IMPDH1: variants seen among roughly 807,000 people sequenced by gnomAD.
IMPDH1 encodes the protein inosine monophosphate dehydrogenase 1, also known as inosine-5'-monophosphate dehydrogenase 1.
Under a neutral mutation model 73.5 loss-of-function variants are expected in IMPDH1, and 41 were observed. The ratio of observed to expected loss-of-function variants is 0.56; its 90% CI spans 0.43 to 0.72. The LOEUF (loss-of-function observed/expected upper bound fraction) is 0.72, where lower values mean the gene tolerates loss of function less well. Among genes scored for constraint, IMPDH1 ranks in the 30% least tolerant of loss-of-function variants. The pLI is 0.00. For synonymous variants in IMPDH1, 318 were observed against 334.3 expected (o/e 0.95, Z 0.53); for missense variants, 645 against 824.8 (o/e 0.78, Z 2.67).
rs1584760150 is a variant in IMPDH1 at position 128,409,219 on chromosome 7, A to C, written c.254+70T>G. On this transcript the variant is annotated intron_variant, in intron 3 of 16. Transcript: ENST00000338791. ...CATGGGGGCCTGCGTCTTCGGAGAG[A>C]CCTTGAGGTGAGCTGCACTGGCAGC... is the stretch of plus-strand genomic sequence containing the variant. 2.2e-6 allele frequency: 3 copies of C among 1,382,644 alleles called. No homozygotes were observed. The East Asian group carries it at 7.2e-5, about 33-fold the overall frequency. The allele number at this position is 1,382,644 out of a possible 1,614,324, so 85.6% of individuals were successfully genotyped here.
chr7:128,394,049 C>A lies in IMPDH1; in HGVS notation c.1778+229G>T, dbSNP rs1797726121. 6.6e-6 allele frequency among the ~76,000 whole-genome samples: 1 copy of A among 152,152 alleles called. No individual in the cohort carries two copies. The highest frequency in any genetic ancestry group is 1.5e-5 in the Non-Finnish European group (1 of 68,016). On this transcript the variant is annotated intron_variant, in intron 16 of 16. Coordinates refer to ENST00000338791, the MANE Select transcript of IMPDH1 (RefSeq NM_000883.4). The surrounding 1 kb of genome is among the most constrained non-coding windows in gnomAD (Gnocchi z 5.5). ...GACTGGCCACACCTCCTGTGCCCTG[C>A]TCGGGAGAGGCCCGAGGGGAGGGGA...
At chr7:128,405,679 C>G in intron 4 of IMPDH1, 88 bp downstream of exon 4, 1 of 1,467,764 alleles carries the variant, frequency 6.8e-7, no homozygotes, top group Non-Finnish European at 9.0e-7. Flanking sequence ...GGGCAGGGAA[C>G]GCCGGGGGAG....
At chr7:128,393,834 A>G (rs1363932270) in intron 16 of IMPDH1, 2 of 293,328 alleles carry the variant, frequency 6.8e-6, no homozygotes, top group Non-Finnish European at 1.3e-5. Flanking sequence ...GCCTGCAACT[A>G]CTGCTGCCAA....
rs886283109 is a variant in IMPDH1 at position 128,396,197 on chromosome 7, G to T, written c.1261+403C>A. 1.3e-5 allele frequency among the ~76,000 whole-genome samples: 2 copies of T among 152,208 alleles called. No homozygotes were observed. The highest frequency in any genetic ancestry group is 4.8e-5 in the African/African-American group (2 of 41,456). On this transcript the variant is annotated intron_variant, in intron 12 of 16. Coordinates refer to ENST00000338791, the MANE Select transcript of IMPDH1 (RefSeq NM_000883.4). This position sits in a 1 kb window ranked among gnomAD's most constrained non-coding sequence, Gnocchi z 4.0. ...CTGCAAAAGGGCTTTGTAATTGGGT[G>T]GAACTCCCCACGCCCAACCACATGG...
chr7:128,407,887 A>T (rs1320574225), intron 3 of IMPDH1, among the ~76,000 whole-genome samples: 2 of 152,056 alleles, frequency 1.3e-5, no homozygotes, highest in Non-Finnish European at 2.9e-5. Flanking sequence ...CCCAGTGATT[A>T]CAGACTTCAT....
Position 128,394,618 on chromosome 7 carries a change from A to G in IMPDH1, c.1551-19T>C. The stretch of plus-strand genomic sequence containing the variant: ...CCCCTCGCTGCGTGGAGGGTGGAAG[A>G]CTGAGCCCAGCAGCTTGAAGCTCAG... On this transcript the variant is annotated intron_variant, in intron 14 of 16. Transcript: ENST00000338791. The surrounding 1 kb of genome is among the most constrained non-coding windows in gnomAD (Gnocchi z 5.5). The G allele has an allele frequency of 6.2e-7, 1 of 1,612,724 alleles. No homozygotes were observed. The highest frequency in any genetic ancestry group is 8.5e-7 in the Non-Finnish European group (1 of 1,179,926).
In IMPDH1 at chr7:128,396,478, GGGTCACCCCGGAGCCTACCAT is replaced by G; in HGVS notation, c.1261+101_1261+121del. 1 of 828,048 alleles carries G rather than the reference GGGTCACCCCGGAGCCTACCAT, an allele frequency of 1.2e-6. No homozygotes were observed. The highest frequency in any genetic ancestry group is 1.7e-5 in the African/African-American group (1 of 59,492). 51.3% of individuals were successfully genotyped at this position (828,048 alleles called of 1,614,324 possible). On this transcript the variant is annotated intron_variant, in intron 12 of 16. Coordinates refer to ENST00000338791, the MANE Select transcript of IMPDH1 (RefSeq NM_000883.4). The surrounding 1 kb of genome is among the most constrained non-coding windows in gnomAD (Gnocchi z 4.0). ...GCCCGATGGGGTGGGGCCCATGCCT[GGGTCACCCCGGAGCCTACCAT>G]GGCAGAACAGGGCCTGGCAGAGAGA...
At chr7:128,397,705 T>G (rs1398640745) in intron 10 of IMPDH1, among the ~76,000 whole-genome samples, 1 of 152,094 alleles carries the variant, frequency 6.6e-6, no homozygotes, top group East Asian at 1.9e-4. Flanking sequence ...GGGAGAGTCT[T>G]GATTTGCAAT....
In IMPDH1 at chr7:128,396,707, G is replaced by A. The variant is rs949482395; in HGVS notation, c.1166-12C>T. 4 of 1,547,672 alleles carry A rather than the reference G, an allele frequency of 2.6e-6. No homozygotes were observed. Among genetic ancestry groups the A allele is most frequent in the African/African-American group, 2.7e-5 (2 of 73,152 alleles). ...GGCTGCTGTCACCACTGGGGGTGGGGATGGGGCAGAGGAACAATGTGAGGA... is the reference window on the plus strand; with the variant it reads ...GGCTGCTGTCACCACTGGGGGTGGGAATGGGGCAGAGGAACAATGTGAGGA... On this transcript the variant is annotated splice_polypyrimidine_tract_variant and intron_variant, in intron 11 of 16. Coordinates refer to ENST00000338791, the MANE Select transcript of IMPDH1 (RefSeq NM_000883.4). This position sits in a 1 kb window ranked among gnomAD's most constrained non-coding sequence, Gnocchi z 4.0.
Position 128,392,780 on chromosome 7 carries a change from G to A in IMPDH1, c.*227C>T, listed in dbSNP as rs72624975. On this transcript the variant is annotated 3_prime_UTR_variant, in exon 17 of 17. Coordinates refer to ENST00000338791, the MANE Select transcript of IMPDH1 (RefSeq NM_000883.4). ...CCTGAGAGCCTGGCTGGCTGGGCTC[G>A]GAGGGGGGCTCCCAGGGCAGCCTGG... 24 of 554,726 alleles carry A rather than the reference G, an allele frequency of 4.3e-5. No homozygotes were observed. The highest frequency in any genetic ancestry group is 4.8e-4 in the Middle Eastern group (1 of 2,086). The allele number at this position is 554,726 out of a possible 1,614,324, so 34.4% of individuals were successfully genotyped here. A position where few individuals can be genotyped will look rare whatever the true frequency, so the allele number is the denominator to read the frequency against.
At chr7:128,406,302 C>CG (rs1187442639) in intron 3 of IMPDH1, among the ~76,000 whole-genome samples, 1 of 3,802 alleles carries the variant, frequency 2.6e-4, no homozygotes, top group African/African-American at 1.1e-3. Context: ...CACACCCCCA[C>CG]ACCCCCCACC....
In IMPDH1 at chr7:128,402,713, T is replaced by G. The variant is rs549099675; in HGVS notation, c.402+993A>C. On this transcript the variant is annotated intron_variant, in intron 5 of 16. Coordinates refer to ENST00000338791, the MANE Select transcript of IMPDH1 (RefSeq NM_000883.4). ...TAATAATAGCAACAGAAAAGAAATG[T>G]TTTTTTTTTAATGTATATGAATTCA... Among the ~76,000 whole-genome samples, 68 of 148,950 alleles carry G rather than the reference T, an allele frequency of 4.6e-4. 2 individuals are homozygous for G. In the South Asian group the frequency reaches 0.013, roughly 29 times the overall value.
chr7:128,400,267 C>A (rs1013432000), intron 8 of IMPDH1, 66 bp downstream of exon 8: 105 of 1,604,090 alleles, frequency 6.5e-5, no homozygotes, highest in Non-Finnish European at 8.8e-5. Context: ...TCACAGGCAC[C>A]AGTCTGAGGC....
Position 128,394,151 on chromosome 7 carries a change from C to A in IMPDH1, c.1778+127G>T. 1.3e-6 allele frequency: 1 copy of A among 771,116 alleles called. No homozygotes were observed. The highest frequency in any genetic ancestry group is 1.4e-5 in the South Asian group (1 of 70,534). The allele number at this position is 771,116 out of a possible 1,614,324, so 47.8% of individuals were successfully genotyped here. On this transcript the variant is annotated intron_variant, in intron 16 of 16. Transcript: ENST00000338791. This position sits in a 1 kb window ranked among gnomAD's most constrained non-coding sequence, Gnocchi z 5.5. ...GAAGAGAGGGTGAGGGGCCATCCTG[C>A]AGCAGCATCTGTCCCTGCTGCAGGT... is the stretch of plus-strand genomic sequence containing the variant.
rs144929093 is a variant in IMPDH1 at position 128,400,107 on chromosome 7, G to A, written c.862C>T (p.Arg288Cys). 2.2e-5 allele frequency: 35 copies of A among 1,612,296 alleles called. No individual in the cohort carries two copies. The highest frequency in any genetic ancestry group is 2.7e-5 in the Non-Finnish European group (32 of 1,179,286). ...AGCTCCCTGGTACCTTTCTTGCTAC[G>A]CTGCAGGATCTCATTTGCCTCTTTC... ...TLKEANEILQRSKKGKLPIVN... is the reference protein window; with the variant it reads ...TLKEANEILQCSKKGKLPIVN... Residue 288 changes from arginine to cysteine, a missense_variant, in exon 9 of 17, where the codon CGT becomes TGT. Arg to Cys is a radical substitution (Grantham distance 180, BLOSUM62 -3). This residue lies in a region of IMPDH1 where 459 missense variants were observed against 638.2 expected (regional missense o/e 0.72). Coordinates refer to ENST00000338791, the MANE Select transcript of IMPDH1 (RefSeq NM_000883.4).
chr7:128,405,703 G>A, intron 4 of IMPDH1, 64 bp downstream of exon 4: 3 of 1,502,090 alleles, frequency 2.0e-6, no homozygotes, highest in Non-Finnish European at 2.7e-6. Context: ...CGCACGTGCA[G>A]GGCCGGCCCG....
At chr7:128,406,068 C>T (rs559013906) in intron 3 of IMPDH1, 13 of 164,636 alleles carry the variant, frequency 7.9e-5, no homozygotes, top group Middle Eastern at 2.9e-3. Context: ...CCGCCCTTCT[C>T]GCCCCTCCCG....
rs191702901 is a variant in IMPDH1, at chr7:128,397,404, G to A, written c.1075-382C>T. The stretch of plus-strand genomic sequence containing the variant: ...TTTCTTCATCTGAAAATGGAATGGC[G>A]ACTGTTCCTCAATGGACTGATATAC... On this transcript the variant is annotated intron_variant, in intron 10 of 16. Coordinates refer to ENST00000338791, the MANE Select transcript of IMPDH1 (RefSeq NM_000883.4). 5.3e-5 allele frequency among the ~76,000 whole-genome samples: 8 copies of A among 152,274 alleles called. No individual in the cohort carries two copies. The East Asian group carries it at 9.6e-4, about 18-fold the overall frequency.
At position 128,396,728 on chromosome 7, in the gene IMPDH1, G is replaced by T. The variant is rs1201360929; in HGVS notation, c.1166-33C>A. On this transcript the variant is annotated intron_variant, in intron 11 of 16. Coordinates refer to ENST00000338791, the MANE Select transcript of IMPDH1 (RefSeq NM_000883.4). This position sits in a 1 kb window ranked among gnomAD's most constrained non-coding sequence, Gnocchi z 4.0. ...TGGGGATGGGGCAGAGGAACAATGT[G>T]AGGATGGGATGCCCCTGCCTGCCCA... 1.3e-6 allele frequency: 2 copies of T among 1,518,234 alleles called. No homozygotes were observed. The highest frequency in any genetic ancestry group is 1.8e-6 in the Non-Finnish European group (2 of 1,117,180). 94.0% of individuals were successfully genotyped at this position (1,518,234 alleles called of 1,614,324 possible).
Sources: gnomAD v4.1 joint callset for allele counts (sites outside exome capture counted in the v4.1 genomes callset) on GRCh38, gnomAD v4.1.1 for gene constraint, gnomAD v4.1.1 regional missense constraint, Gnocchi (gnomAD v3.1) non-coding constraint, MANE v1.5 for transcripts, NCBI Gene and HGNC (gene_info 2026-07-23, HGNC 2026-07-21) for gene names.